MSI2: variants seen among roughly 807,000 people sequenced by gnomAD.
MSI2 encodes musashi RNA binding protein 2, also known as RNA-binding protein Musashi homolog 2.
In MSI2, 17 loss-of-function variants were observed where a neutral mutation model predicts 45.6. That is an observed-to-expected ratio of 0.37 (90% CI 0.26 to 0.56). MSI2 has a LOEUF of 0.56. Among genes scored for constraint, MSI2 ranks in the 20% least tolerant of loss-of-function variants. The pLI, the probability that MSI2 is intolerant of heterozygous loss-of-function variation, is 0.77. For missense variants in MSI2, 293 were observed against 444.2 expected, an observed-to-expected ratio of 0.66 and a Z score of 3.06; for synonymous variants, 156 against 158.2, an observed-to-expected ratio of 0.99 and a Z score of 0.11.
chr17:57,640,098 C>G (rs575427289), intron 10 of MSI2, among the ~76,000 whole-genome samples: 2 of 152,258 alleles, frequency 1.3e-5, no homozygotes, highest in African/African-American at 4.8e-5. Flanking sequence ...GTGGGGGGAG[C>G]TGGGCAAGAC....
intron 5 of MSI2, among the ~76,000 whole-genome samples, chr17:57,362,550 G>A (rs148454976): frequency 6.2e-4 from 95 of 152,290 alleles, no homozygotes; most frequent in African/African-American, 2.2e-3. Context: ...TGTTGCAACA[G>A]CATTTTCTAA....
chr17:57,593,995 A>G (rs1905064622), intron 7 of MSI2, among the ~76,000 whole-genome samples: 2 of 152,240 alleles, frequency 1.3e-5, no homozygotes, highest in South Asian at 2.1e-4. Context: ...TGGTAAACGC[A>G]GAAGGAAGAG....
chr17:57,468,456 G>C (rs1354836418), intron 6 of MSI2, among the ~76,000 whole-genome samples: 1 of 148,272 alleles, frequency 6.7e-6, no homozygotes, highest in Non-Finnish European at 1.5e-5. Flanking sequence ...GGGAGGCGGA[G>C]CTTGCAGTGA....
chr17:57,647,837 T>C lies in MSI2; in HGVS notation c.728-4262T>C, dbSNP rs565254187. 2.0e-5 allele frequency among the ~76,000 whole-genome samples: 3 copies of C among 152,098 alleles called. No homozygotes were observed. The East Asian group carries it at 5.8e-4, about 30-fold the overall frequency. On this transcript the variant is annotated intron_variant, in intron 10 of 13. Coordinates refer to ENST00000284073, the MANE Select transcript of MSI2 (RefSeq NM_138962.4). ...TTGTATTTTTAGTAGAGACAGGGTT[T>C]CACTATGTTGGCCAGGCTGGTCTTG...
At chr17:57,539,344 A>G (rs1272406375) in intron 7 of MSI2, among the ~76,000 whole-genome samples, 1 of 151,934 alleles carries the variant, frequency 6.6e-6, no homozygotes, top group African/African-American at 2.4e-5. Context: ...ATTTATTCCA[A>G]TTTGAATTGT....
At chr17:57,522,668 A>G (rs760048719) in intron 6 of MSI2, 3 of 152,100 alleles carry the variant, frequency 2.0e-5, no homozygotes, top group Admixed American at 6.5e-5. Context: ...ATCTCATAGA[A>G]TTTCCTCCTT....
intron 6 of MSI2, among the ~76,000 whole-genome samples, chr17:57,409,078 C>G: frequency 6.6e-6 from 1 of 152,102 alleles, no homozygotes; most frequent in Non-Finnish European, 1.5e-5. Context: ...TGTGAATTAG[C>G]TAAAAGTGGG....
At chr17:57,462,756 C>T (rs887500114) in intron 6 of MSI2, among the ~76,000 whole-genome samples, 1 of 152,182 alleles carries the variant, frequency 6.6e-6, no homozygotes, top group Non-Finnish European at 1.5e-5. Flanking sequence ...GGAATGTTGG[C>T]CCCCAAAGCA....
At chr17:57,475,828 G>T (rs1336161522) in intron 6 of MSI2, among the ~76,000 whole-genome samples, 4 of 151,852 alleles carry the variant, frequency 2.6e-5, no homozygotes, top group African/African-American at 9.7e-5. Context: ...CACACGAAAA[G>T]AACATCAGTT....
chr17:57,273,273 T>C (rs1463356965), intron 5 of MSI2, among the ~76,000 whole-genome samples: 1 of 152,166 alleles, frequency 6.6e-6, no homozygotes, highest in Non-Finnish European at 1.5e-5. Context: ...AAATTTTGCA[T>C]TTTTTCACTA....
At position 57,282,372 on chromosome 17, in the gene MSI2, G is replaced by C. The variant is rs186031710; in HGVS notation, c.312+20180G>C. On this transcript the variant is annotated intron_variant, in intron 5 of 13. Transcript: ENST00000284073. ...GCCATCCTGAAGGCAGTTTAGTCCTGCACTGGGAGACAAGGCACAGGCCTG... is the reference window on the plus strand; with the variant it reads ...GCCATCCTGAAGGCAGTTTAGTCCTCCACTGGGAGACAAGGCACAGGCCTG... Among the ~76,000 whole-genome samples the C allele has an allele frequency of 9.7e-3, 1,481 of 152,298 alleles. 24 individuals carry two copies. The highest frequency in any genetic ancestry group is 0.02 in the South Asian group (98 of 4,826).
chr17:57,509,147 A>T (rs571430708), intron 6 of MSI2, among the ~76,000 whole-genome samples: 1 of 152,214 alleles, frequency 6.6e-6, no homozygotes, highest in Non-Finnish European at 1.5e-5. Flanking sequence ...TGGGAGACGA[A>T]TTGGAAGTGC....
chr17:57,345,924 C>T (rs1436879253), intron 5 of MSI2, among the ~76,000 whole-genome samples: 2 of 152,048 alleles, frequency 1.3e-5, no homozygotes, highest in Non-Finnish European at 2.9e-5. Flanking sequence ...ATTTAATAGC[C>T]CTGTCTTCGT....
Position 57,684,107 on chromosome 17 carries a change from G to C in MSI2, c.*4590G>C, listed in dbSNP as rs1343783750. ...CAGTTCCGGGAGGCAGGGGCATGAT[G>C]GGGGAGGGGGCCGGAGGCTGAGAGA... On this transcript the variant is annotated 3_prime_UTR_variant, in exon 14 of 14. Transcript: ENST00000284073. The C allele has an allele frequency of 4.5e-6, 1 of 222,160 alleles. No homozygotes were observed. The highest frequency in any genetic ancestry group is 9.0e-6 in the Non-Finnish European group (1 of 110,956). 13.8% of individuals were successfully genotyped at this position (222,160 alleles called of 1,614,324 possible).
intron 6 of MSI2, among the ~76,000 whole-genome samples, chr17:57,508,596 A>C (rs1023476113): frequency 6.6e-6 from 1 of 152,214 alleles, no homozygotes; most frequent in Admixed American, 6.5e-5. Flanking sequence ...CATGGGACAT[A>C]AGCCCCTCTT....
At chr17:57,328,751 C>T (rs944037504) in intron 5 of MSI2, among the ~76,000 whole-genome samples, 1 of 149,618 alleles carries the variant, frequency 6.7e-6, no homozygotes, top group Non-Finnish European at 1.5e-5. Context: ...TTTTTTTAAA[C>T]CCACTTGTTT....
intron 5 of MSI2, among the ~76,000 whole-genome samples, chr17:57,325,818 G>A (rs1373025243): frequency 6.6e-6 from 1 of 152,214 alleles, no homozygotes; most frequent in East Asian, 1.9e-4. Context: ...CGTACCAAGC[G>A]TGATGCTTCA....
intron 6 of MSI2, chr17:57,522,499 T>G (rs1050092422): frequency 6.6e-6 from 1 of 152,164 alleles, no homozygotes; most frequent in African/African-American, 2.4e-5. Context: ...TCTCAGGGCA[T>G]GCATCGGCCA....
chr17:57,380,807 T>G (rs1395178531), intron 5 of MSI2, among the ~76,000 whole-genome samples: 1 of 152,200 alleles, frequency 6.6e-6, no homozygotes, highest in Non-Finnish European at 1.5e-5. Flanking sequence ...CCACCAGGTG[T>G]GTACCTTCTC....
Sources: allele counts gnomAD v4.1 joint callset (sites outside exome capture counted in the v4.1 genomes callset), GRCh38; gene constraint gnomAD v4.1.1; transcripts MANE v1.5; gene names NCBI Gene and HGNC (gene_info 2026-07-23, HGNC 2026-07-21).